NAV3: variants seen among roughly 807,000 people sequenced by gnomAD.
NAV3 encodes neuron navigator 3.
In NAV3, 87 loss-of-function variants were observed where a neutral mutation model predicts 244.7. That is an observed-to-expected ratio of 0.36 (90% CI 0.30 to 0.42). The LOEUF (loss-of-function observed/expected upper bound fraction) is 0.42, where lower values mean the gene tolerates loss of function less well. NAV3 is among the 20% of genes least tolerant of loss of function. NAV3 has a pLI of 1.00. For missense variants in NAV3, 2,663 were observed against 2,893.3 expected (o/e 0.92, Z 1.83); for synonymous variants, 1,126 against 1,042.2 (o/e 1.08, Z -1.55).
At chr12:78,188,176 T>G (rs1958810887) in intron 31 of NAV3, 72 bp from the exon 32 acceptor site, 1 of 1,153,626 alleles carries the variant, frequency 8.7e-7, no homozygotes, top group East Asian at 2.4e-5. Context: ...ATTAACTAAT[T>G]TTAGTAGAAA....
intron 2 of NAV3, among the ~76,000 whole-genome samples, chr12:77,762,888 A>C (rs1390531365): frequency 6.6e-6 from 1 of 152,214 alleles, no homozygotes; most frequent in Non-Finnish European, 1.5e-5. Context: ...TCTCCAGTAA[A>C]GGCTTCCAGT....
chr12:78,089,562 G>T (rs1001653741), intron 12 of NAV3, among the ~76,000 whole-genome samples: 27 of 151,956 alleles, frequency 1.8e-4, no homozygotes, highest in Non-Finnish European at 1.2e-4. Context: ...ATTTTTATTA[G>T]TTTGGATGCT....
intron 2 of NAV3, among the ~76,000 whole-genome samples, chr12:77,635,483 A>G (rs956825724): frequency 2.0e-5 from 3 of 152,208 alleles, no homozygotes; most frequent in Non-Finnish European, 4.4e-5. Context: ...AAATCTTTAT[A>G]TGTTTTTAAA....
chr12:77,668,970 C>T (rs1325426413), intron 2 of NAV3, among the ~76,000 whole-genome samples: 3 of 152,172 alleles, frequency 2.0e-5, no homozygotes, highest in African/African-American at 7.2e-5. Flanking sequence ...ACCCTACAAG[C>T]TAGAAGGGAA....
chr12:77,668,551 C>A (rs1245692810), intron 2 of NAV3, among the ~76,000 whole-genome samples: 2 of 151,804 alleles, frequency 1.3e-5, no homozygotes, highest in Non-Finnish European at 2.9e-5. Context: ...AGCTCAAAGA[C>A]AAGGCTTTTG....
At chr12:77,618,699 A>C (rs1871239474) in intron 2 of NAV3, among the ~76,000 whole-genome samples, 1 of 152,184 alleles carries the variant, frequency 6.6e-6, no homozygotes, top group South Asian at 2.1e-4. Flanking sequence ...TAATCCTTGA[A>C]TATTACTTTT....
chr12:77,576,958 A>G (rs1869115542), intron 2 of NAV3, among the ~76,000 whole-genome samples: 2 of 152,102 alleles, frequency 1.3e-5, no homozygotes, highest in Admixed American at 1.3e-4. Context: ...TTATCAGCCA[A>G]TCCTGAAGCA....
chr12:77,927,813 T>G (rs960128606), intron 1 of NAV3, among the ~76,000 whole-genome samples: 6 of 152,192 alleles, frequency 3.9e-5, no homozygotes, highest in African/African-American at 1.4e-4. Flanking sequence ...CCCATGCATT[T>G]AAGACCGGGT....
intron 2 of NAV3, among the ~76,000 whole-genome samples, chr12:77,805,351 A>G (rs145766708): frequency 0.015 from 2,208 of 152,244 alleles, 52 homozygotes; most frequent in African/African-American, 0.051. Flanking sequence ...ATCAATACCT[A>G]GTTTATTGAG....
intron 2 of NAV3, among the ~76,000 whole-genome samples, chr12:77,727,561 C>T (rs574625301): frequency 1.2e-4 from 18 of 151,838 alleles, no homozygotes; most frequent in Middle Eastern, 3.4e-3. Context: ...TTTAAGGAAG[C>T]GTATTCCAGG....
chr12:77,907,820 A>G (rs540507571), intron 1 of NAV3, among the ~76,000 whole-genome samples: 2 of 152,220 alleles, frequency 1.3e-5, no homozygotes, highest in African/African-American at 4.8e-5. Context: ...CATATGTGAT[A>G]CTGAGCCGGT....
At chr12:78,041,138 A>T (rs1419462806) in intron 9 of NAV3, among the ~76,000 whole-genome samples, 1 of 152,200 alleles carries the variant, frequency 6.6e-6, no homozygotes, top group Non-Finnish European at 1.5e-5. Context: ...GAATAATGTT[A>T]ATCTATAGGA....
chr12:77,597,317 A>G (rs1386596606), intron 2 of NAV3, among the ~76,000 whole-genome samples: 1 of 152,028 alleles, frequency 6.6e-6, no homozygotes, highest in Non-Finnish European at 1.5e-5. Context: ...AGTATTACTC[A>G]TATGATGTGA....
At chr12:77,923,482 A>G (rs1887904631) in intron 1 of NAV3, among the ~76,000 whole-genome samples, 1 of 151,964 alleles carries the variant, frequency 6.6e-6, no homozygotes. Flanking sequence ...AAATAATGTC[A>G]TAAATGATGG....
chr12:78,097,410 C>A (rs1281410660), intron 12 of NAV3, among the ~76,000 whole-genome samples: 1 of 152,168 alleles, frequency 6.6e-6, no homozygotes, highest in Non-Finnish European at 1.5e-5. Flanking sequence ...TTCAATGTTA[C>A]TGCTGCCATC....
chr12:78,020,358 CT>C (rs1876942470), intron 8 of NAV3, among the ~76,000 whole-genome samples: 1 of 151,980 alleles, frequency 6.6e-6, no homozygotes, highest in Non-Finnish European at 1.5e-5. Context: ...ACTTTGAGGT[CT>C]TTTTTTCTGG....
intron 2 of NAV3, among the ~76,000 whole-genome samples, chr12:77,618,915 G>A (rs900529806): frequency 2.0e-5 from 3 of 152,126 alleles, no homozygotes; most frequent in Admixed American, 6.5e-5. Context: ...AAGGGCTTAT[G>A]TTTCTTTCAG....
chr12:78,029,617 T>C (rs1365011285), intron 9 of NAV3, among the ~76,000 whole-genome samples: 1 of 152,140 alleles, frequency 6.6e-6, no homozygotes, highest in Non-Finnish European at 1.5e-5. Flanking sequence ...CTGATGTTTC[T>C]TCTCACCTAA....
chr12:77,951,230 A>G (rs1466379767), intron 3 of NAV3, among the ~76,000 whole-genome samples: 1 of 152,194 alleles, frequency 6.6e-6, no homozygotes, highest in African/African-American at 2.4e-5. Flanking sequence ...CAAGAAAAAA[A>G]CAAATAACCC....
Sources: gnomAD v4.1 joint callset for allele counts (sites outside exome capture counted in the v4.1 genomes callset) on GRCh38, gnomAD v4.1.1 for gene constraint, MANE v1.5 for transcripts, NCBI Gene and HGNC (gene_info 2026-07-23, HGNC 2026-07-21) for gene names.